NKAIN3: variants seen among roughly 807,000 people sequenced by gnomAD.
The protein encoded by NKAIN3 is sodium/potassium-transporting ATPase subunit beta-1-interacting protein 3.
Under a neutral mutation model 30.2 loss-of-function variants are expected in NKAIN3, and 25 were observed. The observed-to-expected ratio is 0.83, with a 90% confidence interval of 0.60 to 1.16. The LOEUF (loss-of-function observed/expected upper bound fraction) is 1.16, where lower values mean the gene tolerates loss of function less well. Among genes scored for constraint, NKAIN3 ranks in the 50% most tolerant of loss-of-function variants. The pLI is 0.00. For synonymous variants in NKAIN3, 91 were observed against 89.6 expected (o/e 1.02, Z -0.09); for missense variants, 225 against 254.1 (o/e 0.89, Z 0.78).
chr8:62,511,629 C>T (rs1471620671), intron 1 of NKAIN3, among the ~76,000 whole-genome samples: 3 of 152,200 alleles, frequency 2.0e-5, no homozygotes, highest in Non-Finnish European at 2.9e-5. Flanking sequence ...CCTCCCTCTT[C>T]CACCTTGATG....
intron 1 of NKAIN3, among the ~76,000 whole-genome samples, chr8:62,562,045 C>T (rs938097103): frequency 6.6e-6 from 1 of 152,086 alleles, no homozygotes; most frequent in Non-Finnish European, 1.5e-5. Context: ...CAGTGTATCT[C>T]CATATGACCA....
intron 3 of NKAIN3, among the ~76,000 whole-genome samples, chr8:62,744,756 A>G (rs1816012996): frequency 6.6e-6 from 1 of 152,192 alleles, no homozygotes; most frequent in South Asian, 2.1e-4. Context: ...TTATTTCTCT[A>G]TAATATTTTC....
chr8:62,498,190 A>G (rs866245120), intron 1 of NKAIN3, among the ~76,000 whole-genome samples: 1 of 152,130 alleles, frequency 6.6e-6, no homozygotes, highest in African/African-American at 2.4e-5. Flanking sequence ...GTTTTGTCAA[A>G]CAAAGTGGCA....
At chr8:62,533,017 T>A (rs1159744464) in intron 1 of NKAIN3, among the ~76,000 whole-genome samples, 1 of 152,206 alleles carries the variant, frequency 6.6e-6, no homozygotes, top group Non-Finnish European at 1.5e-5. Flanking sequence ...ACTTAGATAC[T>A]ATTTTCAGAC....
chr8:62,626,044 T>A (rs186230333), intron 3 of NKAIN3, among the ~76,000 whole-genome samples: 1 of 152,178 alleles, frequency 6.6e-6, no homozygotes, highest in African/African-American at 2.4e-5. Flanking sequence ...CATGTGTGCT[T>A]TATTTTTGAA....
At chr8:62,350,942 G>C (rs547666752) in intron 1 of NKAIN3, among the ~76,000 whole-genome samples, 7 of 151,830 alleles carry the variant, frequency 4.6e-5, no homozygotes, top group African/African-American at 1.7e-4. Flanking sequence ...CACCCACTTC[G>C]GCCTCCCAAA....
intron 3 of NKAIN3, among the ~76,000 whole-genome samples, chr8:62,623,818 C>T (rs1241028294): frequency 2.0e-5 from 3 of 151,516 alleles, no homozygotes; most frequent in Admixed American, 6.6e-5. Flanking sequence ...CTGGGTGAGT[C>T]CATAAAGTAA....
At chr8:62,615,150 A>T (rs1435103834) in intron 3 of NKAIN3, among the ~76,000 whole-genome samples, 1 of 126,538 alleles carries the variant, frequency 7.9e-6, no homozygotes, top group East Asian at 2.7e-4. Context: ...CACCTGAGGC[A>T]CTCAAGGTAG....
intron 1 of NKAIN3, chr8:62,483,787 C>T: frequency 3.9e-6 from 1 of 254,216 alleles, no homozygotes; most frequent in Non-Finnish European, 7.7e-6. Context: ...AGCTCCTCTA[C>T]CAGCCTCCTG....
chr8:62,430,073 G>A (rs985196367), intron 1 of NKAIN3, among the ~76,000 whole-genome samples: 2 of 151,654 alleles, frequency 1.3e-5, no homozygotes, highest in African/African-American at 2.4e-5. Context: ...ACTACTGTAA[G>A]TACCTCATAT....
At position 62,483,603 on chromosome 8, in the gene NKAIN3, A is replaced by G. The variant is rs371863854; in HGVS notation, c.55-95936A>G. 333 of 179,128 alleles carry G rather than the reference A, an allele frequency of 1.9e-3. 1 individual carries two copies. The highest frequency in any genetic ancestry group is 7.6e-3 in the African/African-American group (318 of 41,640). 11.1% of individuals were successfully genotyped at this position (179,128 alleles called of 1,614,324 possible). A position where few individuals can be genotyped will look rare whatever the true frequency, so the allele number is the denominator to read the frequency against. On this transcript the variant is annotated intron_variant, in intron 1 of 6. Transcript: ENST00000623646. ...TTCGGGTGATAGATCTTTGTTTTAA[A>G]TCTGGTCTTTTATGATTTGAATGGG...
intron 3 of NKAIN3, among the ~76,000 whole-genome samples, chr8:62,653,787 G>A (rs540107823): frequency 1.1e-3 from 160 of 152,246 alleles, no homozygotes; most frequent in Middle Eastern, 3.4e-3. Context: ...CTGTGAGAGG[G>A]TGGAGTTTGT....
chr8:62,739,105 G>T (rs1411272800), intron 3 of NKAIN3, among the ~76,000 whole-genome samples: 1 of 151,964 alleles, frequency 6.6e-6, no homozygotes, highest in Non-Finnish European at 1.5e-5. Flanking sequence ...CACACACCAG[G>T]GCCTGTTGGG....
At chr8:62,623,002 T>A (rs1261280007) in intron 3 of NKAIN3, among the ~76,000 whole-genome samples, 1 of 152,010 alleles carries the variant, frequency 6.6e-6, no homozygotes, top group Non-Finnish European at 1.5e-5. Context: ...AAGAACGTTA[T>A]GTGTGTGGTG....
At chr8:62,657,253 C>G (rs1812788419) in intron 3 of NKAIN3, among the ~76,000 whole-genome samples, 2 of 152,136 alleles carry the variant, frequency 1.3e-5, no homozygotes, top group Non-Finnish European at 2.9e-5. Flanking sequence ...AATAAAACTT[C>G]TTAAGATATC....
At chr8:62,863,217 C>T (rs1270236550) in intron 4 of NKAIN3, 1 of 1,557,944 alleles carries the variant, frequency 6.4e-7, no homozygotes. Context: ...ATAACTCAGC[C>T]TGCCTCTTCT....
At chr8:62,774,347 G>A (rs532833199) in intron 4 of NKAIN3, among the ~76,000 whole-genome samples, 13 of 152,270 alleles carry the variant, frequency 8.5e-5, no homozygotes, top group Admixed American at 1.3e-4. Flanking sequence ...TATATTATCT[G>A]CAGACAAGGA....
At chr8:62,760,717 G>A (rs1403320592) in intron 4 of NKAIN3, among the ~76,000 whole-genome samples, 2 of 152,044 alleles carry the variant, frequency 1.3e-5, no homozygotes, top group African/African-American at 2.4e-5. Flanking sequence ...CATGGCACAT[G>A]TATACATATG....
intron 3 of NKAIN3, among the ~76,000 whole-genome samples, chr8:62,652,489 T>C (rs1174858371): frequency 1.3e-5 from 2 of 152,206 alleles, no homozygotes; most frequent in Non-Finnish European, 2.9e-5. Context: ...TTTTTAGAAT[T>C]ATAAGAAAAG....
Sources: gnomAD v4.1 joint callset for allele counts (sites outside exome capture counted in the v4.1 genomes callset) on GRCh38, gnomAD v4.1.1 for gene constraint, MANE v1.5 for transcripts, NCBI Gene and HGNC (gene_info 2026-07-23, HGNC 2026-07-21) for gene names.